MYO18A: variants seen among roughly 807,000 people sequenced by gnomAD.
MYO18A encodes the protein unconventional myosin-XVIIIa.
In MYO18A, 78 loss-of-function variants were observed where a neutral mutation model predicts 235.8. That is an observed-to-expected ratio of 0.33 (90% confidence interval 0.28 to 0.40). The LOEUF (loss-of-function observed/expected upper bound fraction) is 0.40. MYO18A is among the 10% of genes least tolerant of loss of function. The pLI is 1.00. For missense variants in MYO18A, 2,215 were observed against 2,699.3 expected (o/e 0.82, Z 3.98); for synonymous variants, 977 against 1,077.8 (o/e 0.91, Z 1.83).
rs61393170 is a variant in MYO18A, at chr17:29,154,101, A to AGT, written c.999+11839_999+11840dup. Among the ~76,000 whole-genome samples, 825 of 150,382 alleles carry AGT rather than the reference A, an allele frequency of 5.5e-3. 7 individuals carry two copies. The highest frequency in any genetic ancestry group is 0.014 in the African/African-American group (556 of 41,028). ...GGACAACCCACTCTAAATTCTGCAGAGTGTGTGTGTGTGTGTGTGTGCGCG... is the reference window on the plus strand; with the variant it reads ...GGACAACCCACTCTAAATTCTGCAGAGTGTGTGTGTGTGTGTGTGTGTGCGCG... On this transcript the variant is annotated intron_variant, in intron 2 of 41. Transcript: ENST00000527372.
chr17:29,098,966 G>C lies in MYO18A; in HGVS notation c.3640C>G (p.Gln1214Glu). Reference protein sequence around the residue: ...ARQHFKKRKIQDLAIRCVQKN... With the variant: ...ARQHFKKRKIEDLAIRCVQKN... Reference sequence around the variant, plus strand: ...TGTACACAGCGAATGGCCAGGTCCTGGATCTGCAGGTGGGGTGGGGGTGGT... The same window carrying C: ...TGTACACAGCGAATGGCCAGGTCCTCGATCTGCAGGTGGGGTGGGGGTGGT... Residue 1214 changes from glutamine to glutamate, a missense_variant, in exon 23 of 42, where the codon CAG becomes GAG. Physicochemically the swap from Gln to Glu is conservative, Grantham distance 29 (BLOSUM62 2). Transcript: ENST00000527372. 6.2e-7 allele frequency: 1 copy of C among 1,613,232 alleles called. No homozygotes were observed. Among genetic ancestry groups the C allele is most frequent in the Non-Finnish European group, 8.5e-7 (1 of 1,179,804 alleles).
intron 37 of MYO18A, among the ~76,000 whole-genome samples, chr17:29,089,419 CAAAAA>C (rs56389977): frequency 4.2e-5 from 1 of 23,810 alleles, no homozygotes; most frequent in African/African-American, 1.5e-4. Context: ...GACTCTGTCT[CAAAAA>C]AAAAAAAAAA....
intron 2 of MYO18A, among the ~76,000 whole-genome samples, chr17:29,144,021 T>C (rs2067797370): frequency 6.6e-6 from 1 of 152,258 alleles, no homozygotes; most frequent in Non-Finnish European, 1.5e-5. Context: ...TTTTGTCCCC[T>C]ACCTCATTAG....
intron 31 of MYO18A, 120 bp downstream of exon 31, chr17:29,093,860 T>C (rs2152764690): frequency 1.4e-6 from 1 of 719,282 alleles, no homozygotes; most frequent in African/African-American, 1.8e-5. Context: ...AGGCGCTTCC[T>C]GGCCCAGAAT....
chr17:29,170,981 T>A (rs555747763), intron 1 of MYO18A, among the ~76,000 whole-genome samples: 1 of 152,310 alleles, frequency 6.6e-6, no homozygotes, highest in African/African-American at 2.4e-5. Context: ...AGAGCACATA[T>A]GGGTATGATT....
chr17:29,105,069 G>A (rs1383053661), intron 20 of MYO18A, among the ~76,000 whole-genome samples: 1 of 151,522 alleles, frequency 6.6e-6, no homozygotes, highest in African/African-American at 2.4e-5. Flanking sequence ...CTACTTGGGA[G>A]GCTGAGGCAG....
chr17:29,081,427 G>T (rs1292034457), intron 41 of MYO18A, among the ~76,000 whole-genome samples: 2 of 152,192 alleles, frequency 1.3e-5, no homozygotes, highest in Non-Finnish European at 2.9e-5. Context: ...CAATTAGAGG[G>T]GGCTGCTGGG....
At position 29,144,991 on chromosome 17, in the gene MYO18A, AC is replaced by A. The variant is rs545409179; in HGVS notation, c.999+20950del. Among the ~76,000 whole-genome samples the A allele has an allele frequency of 2.2e-3, 333 of 152,366 alleles. 2 individuals carry two copies. Among genetic ancestry groups the A allele is most frequent in the Non-Finnish European group, 3.4e-3 (228 of 68,036 alleles). On this transcript the variant is annotated intron_variant, in intron 2 of 41. Coordinates refer to ENST00000527372, the MANE Select transcript of MYO18A (RefSeq NM_078471.4). ...CATGTACAGCATATAGTAAAAACAC[AC>A]AAAATATTATTTTTATAATTTTAGG...
intron 11 of MYO18A, among the ~76,000 whole-genome samples, chr17:29,116,143 G>A (rs968750913): frequency 2.0e-5 from 3 of 152,250 alleles, no homozygotes; most frequent in African/African-American, 7.2e-5. Context: ...CCCAACTAGG[G>A]GAAGGGCGGA....
At chr17:29,133,376 C>G (rs1254030040) in intron 2 of MYO18A, among the ~76,000 whole-genome samples, 4 of 152,250 alleles carry the variant, frequency 2.6e-5, no homozygotes, top group Non-Finnish European at 5.9e-5. Flanking sequence ...AGGTGGCCAA[C>G]TGGCCTGACT....
At position 29,097,798 on chromosome 17, in the gene MYO18A, A is replaced by G. The variant is rs1354356352; in HGVS notation, c.4092T>C (p.Asp1364=). ...RAAEINGEVD[D]DDAGGEWRLK... is the part of the protein sequence containing the mutation. Reference sequence around the variant, plus strand: ...GGGCCTCAGGCCCACCTGCATCATCATCATCCACTTCCCCGTTGATCTCCG... The same window carrying G: ...GGGCCTCAGGCCCACCTGCATCATCGTCATCCACTTCCCCGTTGATCTCCG... Residue 1364 remains aspartate (D), a synonymous_variant, in exon 26 of 42, where the codon GAT becomes GAC. Transcript: ENST00000527372. The G allele has an allele frequency of 6.2e-7, 1 of 1,612,038 alleles. No homozygotes were observed. The highest frequency in any genetic ancestry group is 8.5e-7 in the Non-Finnish European group (1 of 1,178,964).
intron 26 of MYO18A, 45 bp downstream of exon 26, chr17:29,097,743 C>T: frequency 6.5e-7 from 1 of 1,542,732 alleles, no homozygotes; most frequent in Non-Finnish European, 8.9e-7. Flanking sequence ...GGCATCAGGG[C>T]TCGCATTGCG....
In MYO18A at chr17:29,109,660, C is replaced by CG. The variant is rs1400428946; in HGVS notation, c.3331+197dup. Among the ~76,000 whole-genome samples the CG allele has an allele frequency of 6.6e-6, 1 of 151,972 alleles. No homozygotes were observed. Among genetic ancestry groups the CG allele is most frequent in the Non-Finnish European group, 1.5e-5 (1 of 67,992 alleles). ...TGAATATGGAAGGGAGAGGAGGAGG[C>CG]GGGGACTCTGCAGGATGGAAGGAAA... On this transcript the variant is annotated intron_variant, in intron 19 of 41. Transcript: ENST00000527372. This position sits in a 1 kb window ranked among gnomAD's most constrained non-coding sequence, Gnocchi z 4.1.
chr17:29,111,387 G>T lies in MYO18A; in HGVS notation c.2900+37C>A. On this transcript the variant is annotated intron_variant, in intron 17 of 41. Coordinates refer to ENST00000527372, the MANE Select transcript of MYO18A (RefSeq NM_078471.4). This position sits in a 1 kb window ranked among gnomAD's most constrained non-coding sequence, Gnocchi z 5.1. Reference sequence around the variant, plus strand: ...GGAGCCCCAAAATCAAAACAGTCCTGGGTACAGAACAGGGGCGGAGGGAGT... The same window carrying T: ...GGAGCCCCAAAATCAAAACAGTCCTTGGTACAGAACAGGGGCGGAGGGAGT... 6.2e-7 allele frequency: 1 copy of T among 1,602,876 alleles called. No individual in the cohort carries two copies.
intron 39 of MYO18A, 113 bp downstream of exon 39, chr17:29,086,325 G>A (rs370363671): frequency 4.0e-6 from 5 of 1,246,628 alleles, no homozygotes; most frequent in Non-Finnish European, 4.5e-6. Context: ...GTGGGTTGGC[G>A]GCTTGCTCAT....
intron 2 of MYO18A, chr17:29,133,971 G>T: frequency 1.5e-6 from 1 of 673,060 alleles, no homozygotes; most frequent in Non-Finnish European, 2.2e-6. Context: ...GAGGGATGGA[G>T]TGGAGGAGGA....
At chr17:29,165,772 C>T (rs1029733590) in intron 2 of MYO18A, among the ~76,000 whole-genome samples, 170 bp downstream of exon 2, 1 of 152,174 alleles carries the variant, frequency 6.6e-6, no homozygotes, top group Admixed American at 6.5e-5. Context: ...GCATGGGGCA[C>T]CTTCTCCTGA....
chr17:29,128,780 G>A (rs1050315321), intron 2 of MYO18A, among the ~76,000 whole-genome samples: 3 of 152,288 alleles, frequency 2.0e-5, no homozygotes, highest in African/African-American at 4.8e-5. Context: ...GCACAATCAG[G>A]TACTACTGTC....
intron 2 of MYO18A, among the ~76,000 whole-genome samples, chr17:29,142,135 G>A (rs924399369): frequency 1.3e-5 from 2 of 152,104 alleles, no homozygotes; most frequent in African/African-American, 2.4e-5. Flanking sequence ...TAGTAGAGAC[G>A]GGGTTTCACC....
Sources: gnomAD v4.1 joint callset for allele counts (sites outside exome capture counted in the v4.1 genomes callset) on GRCh38, gnomAD v4.1.1 for gene constraint, Gnocchi (gnomAD v3.1) non-coding constraint, MANE v1.5 for transcripts, NCBI Gene and HGNC (gene_info 2026-07-23, HGNC 2026-07-21) for gene names.